Variants in SDAD1 observed in about 807,000 individuals in gnomAD.
The protein encoded by SDAD1 is SDA1 domain containing 1.
In SDAD1, 79 loss-of-function variants were observed where a neutral mutation model predicts 100.3. The observed-to-expected ratio is 0.79, with a 90% confidence interval of 0.66 to 0.95. SDAD1 has a LOEUF of 0.95. SDAD1 is among the 40% of genes least tolerant of loss of function. The pLI is 0.00. For synonymous variants in SDAD1, 267 were observed against 271.4 expected (o/e 0.98, Z 0.16); for missense variants, 790 against 810.9 (o/e 0.97, Z 0.31).
chr4:75,978,671 G>A (rs1253852562), intron 3 of SDAD1, among the ~76,000 whole-genome samples: 1 of 152,008 alleles, frequency 6.6e-6, no homozygotes, highest in African/African-American at 2.4e-5. Context: ...AGAATTCAAG[G>A]ATGCTTTCAA....
At chr4:75,954,119 C>T (rs1045278697) in intron 21 of SDAD1, among the ~76,000 whole-genome samples, 3 of 152,034 alleles carry the variant, frequency 2.0e-5, no homozygotes, top group Non-Finnish European at 2.9e-5. Context: ...TAGTAGCTCA[C>T]GCCTGTAATC....
chr4:75,973,372 G>C lies in SDAD1; in HGVS notation c.656C>G (p.Thr219Arg). 6.2e-7 allele frequency: 1 copy of C among 1,613,414 alleles called. No individual in the cohort carries two copies. Among genetic ancestry groups the C allele is most frequent in the Non-Finnish European group, 8.5e-7 (1 of 1,179,588 alleles). The stretch of plus-strand genomic sequence containing the variant: ...ATCTTCATCTTTCCCAAGAAAGAAT[G>C]TCAAAGCGGCAACTAATATCTAAAC... ...KVTKILVAAL[T>R]FFLGKDEDEK... The change falls in exon 8 of 22, where the codon ACA (threonine) becomes AGA (arginine). Residue 219 changes from threonine to arginine, a missense_variant. By Grantham distance (71) the Thr-to-Arg change is moderately conservative. Coordinates refer to ENST00000356260, the MANE Select transcript of SDAD1 (RefSeq NM_018115.4).
intron 18 of SDAD1, 59 bp downstream of exon 18, chr4:75,957,788 C>G: frequency 6.2e-7 from 1 of 1,611,358 alleles, no homozygotes; most frequent in South Asian, 1.1e-5. Context: ...CCCAACAAGG[C>G]CCAGAATAAA....
chr4:75,955,791 C>T (rs1578112075), intron 21 of SDAD1, among the ~76,000 whole-genome samples, 184 bp downstream of exon 21: 1 of 152,140 alleles, frequency 6.6e-6, no homozygotes, highest in Non-Finnish European at 1.5e-5. Flanking sequence ...GAATCCTTCT[C>T]ACCTCTCCAT....
intron 1 of SDAD1, among the ~76,000 whole-genome samples, chr4:75,987,155 T>C (rs1004489900): frequency 6.6e-6 from 1 of 152,196 alleles, no homozygotes; most frequent in Middle Eastern, 3.2e-3. Context: ...TAAATTGAGA[T>C]ATAATTCATA....
At position 75,957,867 on chromosome 4, in the gene SDAD1, C is replaced by T. The variant is rs527971320; in HGVS notation, c.1558G>A (p.Asp520Asn). 61 of 1,613,876 alleles carry T rather than the reference C, an allele frequency of 3.8e-5. No homozygotes were observed. Among genetic ancestry groups the T allele is most frequent in the African/African-American group, 1.3e-5 (1 of 74,920 alleles). The change falls in exon 18 of 22, where the codon GAT becomes AAT. Residue 520 changes from aspartate to asparagine, a missense_variant. Asp to Asn is a conservative substitution (Grantham distance 23, BLOSUM62 1). Coordinates refer to ENST00000356260, the MANE Select transcript of SDAD1 (RefSeq NM_018115.4). ...CTTACGATTTCTTGCTGTTCTTCAT[C>T]GGAAGAGTGTTGCACATCAATCCAT... Reference protein sequence around the residue: ...GEWIDVQHSSDEEQQEISKKL... With the variant: ...GEWIDVQHSSNEEQQEISKKL...
chr4:75,982,686 T>A (rs1042876117), intron 1 of SDAD1, among the ~76,000 whole-genome samples: 1 of 151,812 alleles, frequency 6.6e-6, no homozygotes, highest in African/African-American at 2.4e-5. Flanking sequence ...TACTACCATA[T>A]CCATGTATGC....
At chr4:75,987,550 AGGGTG>A (rs1474631462) in intron 1 of SDAD1, among the ~76,000 whole-genome samples, 72 of 152,102 alleles carry the variant, frequency 4.7e-4, no homozygotes, top group Admixed American at 2.9e-3. Context: ...TGCCCAGGCT[AGGGTG>A]CAGTGGCGCG....
rs781367759 is a variant in SDAD1, at chr4:75,971,371, T to C, written c.799A>G (p.Met267Val). 75 of 1,613,048 alleles carry C rather than the reference T, an allele frequency of 4.6e-5. No homozygotes were observed. The highest frequency in any genetic ancestry group is 5.9e-5 in the Non-Finnish European group (70 of 1,179,214). Residue 267 changes from methionine (M) to valine (V), a missense_variant, in exon 9 of 22, where the codon ATG (methionine) becomes GTG (valine). Transcript: ENST00000356260. ...ACAAGTCCCACCTTGAGCACTTTCA[T>C]TGCCTTTTCCAACTTTTTCTTGTTT... ...SKNKKKLEKA[M>V]KVLKKQKKKK... is the part of the protein sequence containing the mutation.
At chr4:75,959,958 G>A (rs1729135666) in intron 17 of SDAD1, 108 bp downstream of exon 17, 1 of 1,207,616 alleles carries the variant, frequency 8.3e-7, no homozygotes, top group African/African-American at 1.5e-5. Context: ...CATAGTCATT[G>A]CTCAATAAAT....
chr4:75,957,840 G>A lies in SDAD1; in HGVS notation c.1578+7C>T. ...ACCAGGTTATAAGATGAAATTTTCA[G>A]ACTTACGATTTCTTGCTGTTCTTCA... is the stretch of plus-strand genomic sequence containing the variant. On this transcript the variant is annotated splice_region_variant and intron_variant, in intron 18 of 21. Transcript: ENST00000356260. 3.1e-6 allele frequency: 5 copies of A among 1,613,886 alleles called. No homozygotes were observed. Among genetic ancestry groups the A allele is most frequent in the Non-Finnish European group, 4.2e-6 (5 of 1,179,828 alleles).
Position 75,967,333 on chromosome 4 carries a change from A to G in SDAD1, c.989T>C (p.Leu330Pro). The G allele has an allele frequency of 6.2e-7, 1 of 1,614,012 alleles. No homozygotes were observed. Among genetic ancestry groups the G allele is most frequent in the Non-Finnish European group, 8.5e-7 (1 of 1,179,910 alleles). The change falls in exon 12 of 22, where the codon CTT becomes CCT. Residue 330 changes from leucine (L) to proline (P), a missense_variant and splice_region_variant. By Grantham distance (98) the Leu-to-Pro change is moderately conservative. Coordinates refer to ENST00000356260, the MANE Select transcript of SDAD1 (RefSeq NM_018115.4). ...AAAGGGATAGAAATTGAAGAGGAAA[A>G]GCTGTGGAGAGAAAACCGACTTTAA... ...LISRLVGIHE[L>P]FLFNFYPFLQ... is the part of the protein sequence containing the mutation.
intron 17 of SDAD1, among the ~76,000 whole-genome samples, chr4:75,958,259 C>T (rs191490375): frequency 1.3e-5 from 2 of 152,302 alleles, no homozygotes; most frequent in East Asian, 3.9e-4. Context: ...GCATCCTACA[C>T]TGAAATCATG....
chr4:75,973,245 C>CA, intron 8 of SDAD1, 72 bp downstream of exon 8: 2 of 1,246,194 alleles, frequency 1.6e-6, no homozygotes, highest in Non-Finnish European at 2.4e-6. Flanking sequence ...CTTCAGCAGT[C>CA]ATAGACTTTA....
chr4:75,966,310 ACACT>A (rs929797318), intron 12 of SDAD1, among the ~76,000 whole-genome samples: 20 of 144,662 alleles, frequency 1.4e-4, no homozygotes, highest in South Asian at 4.3e-4. Context: ...ACACACACAC[ACACT>A]GTCTCTTTTC....
At chr4:75,953,619 G>C (rs773601715) in intron 21 of SDAD1, among the ~76,000 whole-genome samples, 23 of 152,176 alleles carry the variant, frequency 1.5e-4, no homozygotes, top group Non-Finnish European at 2.6e-4. Context: ...AGTCAACAGG[G>C]AGAGCTAAAT....
chr4:75,971,642 G>A (rs1344354208), intron 8 of SDAD1, among the ~76,000 whole-genome samples, 184 bp from the exon 9 acceptor site: 1 of 152,134 alleles, frequency 6.6e-6, no homozygotes, highest in African/African-American at 2.4e-5. Flanking sequence ...AGGCCAAGGT[G>A]GGTAGATCAC....
intron 17 of SDAD1, among the ~76,000 whole-genome samples, chr4:75,959,005 G>A (rs1307968616): frequency 7.0e-6 from 1 of 143,118 alleles, no homozygotes; most frequent in African/African-American, 2.6e-5. Flanking sequence ...GGCTGAGGTA[G>A]GAGAATGGCG....
rs114269491 is a variant in SDAD1, at chr4:75,984,390, C to T, written c.91-2353G>A. ...TTATGTTGCCCAGGCTGGACTCAAA[C>T]GCCTGGCCTCAAGTGATCCTCTCAC... On this transcript the variant is annotated intron_variant, in intron 1 of 21. Coordinates refer to ENST00000356260, the MANE Select transcript of SDAD1 (RefSeq NM_018115.4). Among the ~76,000 whole-genome samples the T allele has an allele frequency of 5.8e-3, 887 of 152,146 alleles. 6 individuals carry two copies. Among genetic ancestry groups the T allele is most frequent in the African/African-American group, 0.02 (841 of 41,490 alleles).
Sources: gnomAD v4.1 joint callset for allele counts (sites outside exome capture counted in the v4.1 genomes callset) on GRCh38, gnomAD v4.1.1 for gene constraint, MANE v1.5 for transcripts, NCBI Gene and HGNC (gene_info 2026-07-23, HGNC 2026-07-21) for gene names.